The following DNAH6 variants were observed in gnomAD, a reference collection of about 807,000 sequenced individuals.
DNAH6 encodes axonemal beta dynein heavy chain 6.
A neutral mutation model predicts 491.4 loss-of-function variants in DNAH6; 340 were observed. That is an observed-to-expected ratio of 0.69 (90% confidence interval 0.63 to 0.76). The LOEUF (loss-of-function observed/expected upper bound fraction) is 0.76, where lower values mean the gene tolerates loss of function less well. Among genes scored for constraint, DNAH6 ranks in the 30% least tolerant of loss-of-function variants. The pLI is 0.00. For synonymous variants in DNAH6, 1,603 were observed against 1,686.1 expected, an observed-to-expected ratio of 0.95 and a Z score of 1.21; for missense variants, 4,443 against 4,972.2, an observed-to-expected ratio of 0.89 and a Z score of 3.20.
At chr2:84,569,318 T>C (rs1159436574) in intron 11 of DNAH6, among the ~76,000 whole-genome samples, 2 of 151,984 alleles carry the variant, frequency 1.3e-5, no homozygotes, top group African/African-American at 4.8e-5. Context: ...CAGAAGTTTA[T>C]GTCAGAAGTA....
chr2:84,680,390 A>C (rs530961668), intron 41 of DNAH6, among the ~76,000 whole-genome samples: 9 of 152,284 alleles, frequency 5.9e-5, no homozygotes, highest in African/African-American at 1.9e-4. Context: ...ATAAATACAC[A>C]TGTTCAAGTT....
At chr2:84,583,875 TAGC>T in intron 14 of DNAH6, 121 bp from the exon 15 acceptor site, 2 of 996,776 alleles carry the variant, frequency 2.0e-6, no homozygotes, top group Non-Finnish European at 2.9e-6. Context: ...ATGTCTTTAT[TAGC>T]AGCAGCAGAA....
At chr2:84,772,331 A>G (rs1323801265) in intron 64 of DNAH6, among the ~76,000 whole-genome samples, 1 of 152,144 alleles carries the variant, frequency 6.6e-6, no homozygotes, top group Non-Finnish European at 1.5e-5. Flanking sequence ...TCAGAGAAGT[A>G]AATTCTTCCT....
At position 84,704,174 on chromosome 2, in the gene DNAH6, A is replaced by G. The variant is rs886217206; in HGVS notation, c.8337A>G (p.Ala2779=). The change falls in exon 51 of 77, where the codon GCA becomes GCG. Residue 2779 remains alanine (A), a synonymous_variant. Coordinates refer to ENST00000389394, the MANE Select transcript of DNAH6 (RefSeq NM_001370.2). ...AQRDLDEALP[A]LDAANKALDS... ...GAGATCTTGACGAGGCACTACCTGC[A>G]CTAGATGCTGCCAATAAAGCACTGG... is the stretch of plus-strand genomic sequence containing the variant. 5 of 1,551,936 alleles carry G rather than the reference A, an allele frequency of 3.2e-6. No individual in the cohort carries two copies. The highest frequency in any genetic ancestry group is 4.4e-6 in the Non-Finnish European group (5 of 1,147,032).
chr2:84,776,813 T>C lies in DNAH6; in HGVS notation c.10704-4680T>C, dbSNP rs367697762. Among the ~76,000 whole-genome samples the C allele has an allele frequency of 3.7e-3, 568 of 152,352 alleles. 7 individuals carry two copies. Among genetic ancestry groups the C allele is most frequent in the African/African-American group, 0.013 (552 of 41,570 alleles). On this transcript the variant is annotated intron_variant, in intron 64 of 76. Coordinates refer to ENST00000389394, the MANE Select transcript of DNAH6 (RefSeq NM_001370.2). ...TGCACACATATGTTTATTGCAACAC[T>C]ATTCACAATAGCAAAGACTTGGAAC...
the DNAH6 span, among the ~76,000 whole-genome samples, chr2:84,479,348 C>T: frequency 6.6e-6 from 1 of 152,180 alleles, no homozygotes; most frequent in Admixed American, 6.5e-5. Flanking sequence ...CCTGTCTCTA[C>T]CACTCTCATA....
intron 63 of DNAH6, among the ~76,000 whole-genome samples, chr2:84,750,508 A>C (rs887929608): frequency 1.3e-5 from 2 of 152,046 alleles, no homozygotes; most frequent in Non-Finnish European, 2.9e-5. Flanking sequence ...TTTTTTAAAG[A>C]GACTTTGTCT....
rs1220703043 is a variant in DNAH6 at position 84,594,006 on chromosome 2, T to G, written c.2645T>G (p.Val882Gly). Residue 882 changes from valine to glycine, a missense_variant, in exon 17 of 77, where the codon GTC becomes GGC. Around this residue, in one of 3 missense-constraint regions of DNAH6, gnomAD observed 2,977 missense variants for 3,296.6 expected, o/e 0.90. Transcript: ENST00000389394. ...TCCAAGTTTGAAGCTTTGGAAGAAG[T>G]CAGTGCTGAACTGAAGCTCAAACAA... ...EVSKFEALEE[V>G]SAELKLKQLL... is the part of the protein sequence containing the mutation. The G allele has an allele frequency of 6.5e-7, 1 of 1,550,336 alleles. No homozygotes were observed. The highest frequency in any genetic ancestry group is 8.7e-7 in the Non-Finnish European group (1 of 1,146,258).
the DNAH6 span, among the ~76,000 whole-genome samples, chr2:84,482,920 C>T: frequency 6.6e-6 from 1 of 151,506 alleles, no homozygotes; most frequent in South Asian, 2.1e-4. Flanking sequence ...GAGGTAAACA[C>T]AAAGCAGTGA....
intron 67 of DNAH6, among the ~76,000 whole-genome samples, chr2:84,786,450 A>G (rs1285526159): frequency 6.6e-6 from 1 of 151,358 alleles, no homozygotes; most frequent in African/African-American, 2.4e-5. Context: ...AAAAAAGAAA[A>G]GATGCCAGAT....
chr2:84,740,979 G>T (rs982213700), intron 62 of DNAH6, among the ~76,000 whole-genome samples: 1 of 152,182 alleles, frequency 6.6e-6, no homozygotes, highest in African/African-American at 2.4e-5. Context: ...ACCGCTGCCA[G>T]GTTACCAAAC....
At position 84,808,472 on chromosome 2, in the gene DNAH6, G is replaced by A. The variant is rs200449901; in HGVS notation, c.11669G>A (p.Arg3890His). The A allele has an allele frequency of 4.9e-4, 753 of 1,550,262 alleles. No homozygotes were observed. Among genetic ancestry groups the A allele is most frequent in the Admixed American group, 9.5e-4 (48 of 50,542 alleles). Residue 3890 changes from arginine (R) to histidine (H), a missense_variant, in exon 72 of 77, where the codon CGT (arginine) becomes CAT (histidine). Arg to His is a conservative substitution (Grantham distance 29). Transcript: ENST00000389394. ...CTTTTTGTCAAGGATCTTCAAGGACGTCTGAACTCCTTGACCACCGTTCTT... is the reference window on the plus strand; with the variant it reads ...CTTTTTGTCAAGGATCTTCAAGGACATCTGAACTCCTTGACCACCGTTCTT... ...ESLFVKDLQG[R>H]LNSLTTVLGQ...
At chr2:84,564,392 C>A (rs1573032893) in intron 11 of DNAH6, among the ~76,000 whole-genome samples, 1 of 152,040 alleles carries the variant, frequency 6.6e-6, no homozygotes, top group Admixed American at 6.6e-5. Flanking sequence ...ATGTAGAAAT[C>A]TTTTATCTCC....
chr2:84,741,233 G>A (rs1167572366), intron 62 of DNAH6, among the ~76,000 whole-genome samples: 1 of 152,086 alleles, frequency 6.6e-6, no homozygotes, highest in Non-Finnish European at 1.5e-5. Flanking sequence ...CTCAGGCCAA[G>A]GATGAGGCAC....
chr2:84,485,642 G>T, the DNAH6 span, among the ~76,000 whole-genome samples: 21 of 152,102 alleles, frequency 1.4e-4, no homozygotes, highest in East Asian at 3.9e-4. Flanking sequence ...AGGGGTTTTG[G>T]TTTTTTCTCC....
intron 12 of DNAH6, 81 bp from the exon 13 acceptor site, chr2:84,577,176 A>G (rs1438040182): frequency 4.7e-6 from 4 of 844,044 alleles, no homozygotes; most frequent in African/African-American, 3.5e-5. Flanking sequence ...TATCAATGCA[A>G]TGATTTTTAA....
chr2:84,650,765 C>T (rs1486135838), intron 33 of DNAH6, among the ~76,000 whole-genome samples: 4 of 152,160 alleles, frequency 2.6e-5, no homozygotes, highest in African/African-American at 9.7e-5. Flanking sequence ...ACGTTTCTCT[C>T]ATCTCAGTGT....
chr2:84,617,857 C>T (rs1687025199), intron 23 of DNAH6, among the ~76,000 whole-genome samples: 1 of 152,006 alleles, frequency 6.6e-6, no homozygotes, highest in Non-Finnish European at 1.5e-5. Context: ...GTGGGCATAG[C>T]GAGCACCTTT....
intron 49 of DNAH6, 68 bp downstream of exon 49, chr2:84,701,407 ACT>A (rs1256255726): frequency 6.9e-7 from 1 of 1,447,654 alleles, no homozygotes; most frequent in Non-Finnish European, 9.3e-7. Context: ...ATGCATGGAA[ACT>A]CTATGCACTG....
Sources: allele counts gnomAD v4.1 joint callset (sites outside exome capture counted in the v4.1 genomes callset), GRCh38; gene constraint gnomAD v4.1.1; regional missense constraint gnomAD v4.1.1; transcripts MANE v1.5; gene names NCBI Gene and HGNC (gene_info 2026-07-23, HGNC 2026-07-21).